MBOAT1: variants seen among roughly 807,000 people sequenced by gnomAD.
The protein encoded by MBOAT1 is membrane bound glycerophospholipid O-acyltransferase 1.
A neutral mutation model predicts 64.4 loss-of-function variants in MBOAT1; 67 were observed. That is an observed-to-expected ratio of 1.04 (90% CI 0.85 to 1.27). The LOEUF is 1.27. Among genes scored for constraint, MBOAT1 ranks in the 50% most tolerant of loss-of-function variants. The pLI is 0.00. For synonymous variants in MBOAT1, 229 were observed against 218.9 expected, an observed-to-expected ratio of 1.05 and a Z score of -0.41; for missense variants, 563 against 604.6, an observed-to-expected ratio of 0.93 and a Z score of 0.72.
chr6:20,152,672 G>A lies in MBOAT1; in HGVS notation c.197C>T (p.Ala66Val), dbSNP rs867374033. Residue 66 changes from alanine to valine, a missense_variant, in exon 2 of 13, where the codon GCG becomes GTG. Transcript: ENST00000324607. ...ATAGATGCCAAAAATGGTGGCAACCGCATGCCGGACATCAGAGCTGGTTGT... is the reference window on the plus strand; with the variant it reads ...ATAGATGCCAAAAATGGTGGCAACCACATGCCGGACATCAGAGCTGGTTGT... ...PGTTSSDVRH[A>V]VATIFGIYFV... 4.3e-6 allele frequency: 7 copies of A among 1,611,004 alleles called. No individual in the cohort carries two copies. The highest frequency in any genetic ancestry group is 2.2e-5 in the East Asian group (1 of 44,650).
At position 20,147,415 on chromosome 6, in the gene MBOAT1, G is replaced by A. The variant is rs529341443; in HGVS notation, c.324-3100C>T. The stretch of plus-strand genomic sequence containing the variant: ...AGCACTTTGGGAGGCCAAGGCGGGC[G>A]GATCACCTGAGGTCAGGGGTTCGAG... On this transcript the variant is annotated intron_variant, in intron 3 of 12. Transcript: ENST00000324607. Among the ~76,000 whole-genome samples, 20 of 152,302 alleles carry A rather than the reference G, an allele frequency of 1.3e-4. 1 individual carries two copies. Among genetic ancestry groups the A allele is most frequent in the Middle Eastern group, 3.4e-3 (1 of 294 alleles).
intron 1 of MBOAT1, among the ~76,000 whole-genome samples, chr6:20,189,387 T>C (rs1762741532): frequency 6.6e-6 from 1 of 152,168 alleles, no homozygotes; most frequent in Non-Finnish European, 1.5e-5. Flanking sequence ...TAAAATCTAC[T>C]TTCTAAGTAA....
At chr6:20,184,979 T>C (rs1762611404) in intron 1 of MBOAT1, among the ~76,000 whole-genome samples, 1 of 151,402 alleles carries the variant, frequency 6.6e-6, no homozygotes, top group Non-Finnish European at 1.5e-5. Context: ...AGGGCAGGCA[T>C]AGTGGCTCAC....
chr6:20,179,644 A>G (rs1317558626), intron 1 of MBOAT1, among the ~76,000 whole-genome samples: 3 of 152,166 alleles, frequency 2.0e-5, no homozygotes, highest in African/African-American at 7.2e-5. Flanking sequence ...ATGTATCTCT[A>G]AAATCACTTA....
intron 9 of MBOAT1, among the ~76,000 whole-genome samples, chr6:20,117,680 A>G (rs955809433): frequency 5.3e-5 from 8 of 152,080 alleles, no homozygotes; most frequent in Non-Finnish European, 1.2e-4. Context: ...TCTCCAGTGG[A>G]CTCTGTCTGC....
chr6:20,211,216 T>C (rs1763407068), intron 1 of MBOAT1, among the ~76,000 whole-genome samples: 1 of 152,094 alleles, frequency 6.6e-6, no homozygotes, highest in African/African-American at 2.4e-5. Context: ...GGTGTGCTCT[T>C]GTTAAAAGGA....
chr6:20,139,656 C>T (rs372516213), intron 4 of MBOAT1, among the ~76,000 whole-genome samples: 4 of 143,356 alleles, frequency 2.8e-5, no homozygotes, highest in African/African-American at 5.2e-5. Flanking sequence ...TGGGCTCAAG[C>T]GATCCTTCCA....
intron 1 of MBOAT1, among the ~76,000 whole-genome samples, chr6:20,175,861 C>A (rs575974308): frequency 6.6e-6 from 1 of 152,254 alleles, no homozygotes; most frequent in Non-Finnish European, 1.5e-5. Flanking sequence ...ACCTTGGCCT[C>A]CCAAAGTGCT....
chr6:20,194,620 G>C (rs1175184472), intron 1 of MBOAT1, among the ~76,000 whole-genome samples: 1 of 152,186 alleles, frequency 6.6e-6, no homozygotes, highest in African/African-American at 2.4e-5. Context: ...AGCTACCACT[G>C]TTGATGCTGA....
At chr6:20,108,927 C>T (rs1036776555) in intron 12 of MBOAT1, among the ~76,000 whole-genome samples, 1 of 152,264 alleles carries the variant, frequency 6.6e-6, no homozygotes, top group Non-Finnish European at 1.5e-5. Flanking sequence ...TTCACAAGAG[C>T]ATGTGCTCAA....
chr6:20,185,701 A>G (rs1478464848), intron 1 of MBOAT1, among the ~76,000 whole-genome samples: 1 of 152,202 alleles, frequency 6.6e-6, no homozygotes, highest in Non-Finnish European at 1.5e-5. Flanking sequence ...TGTCCAACAT[A>G]TGGCAACAAA....
intron 1 of MBOAT1, among the ~76,000 whole-genome samples, chr6:20,186,157 T>G (rs1392405398): frequency 6.6e-6 from 1 of 152,204 alleles, no homozygotes; most frequent in African/African-American, 2.4e-5. Context: ...TACTCCAGCA[T>G]GGGTCACAGT....
intron 1 of MBOAT1, among the ~76,000 whole-genome samples, chr6:20,158,167 GAAA>G (rs70990012): frequency 7.4e-6 from 1 of 135,556 alleles, no homozygotes; most frequent in African/African-American, 2.7e-5. Context: ...AAAAAAAAAA[GAAA>G]AAAAAAAAAA....
intron 1 of MBOAT1, among the ~76,000 whole-genome samples, chr6:20,172,189 C>T (rs985928051): frequency 6.6e-6 from 1 of 152,080 alleles, no homozygotes; most frequent in African/African-American, 2.4e-5. Context: ...AATCCCAGCA[C>T]TTTGGGAGGC....
At chr6:20,177,209 A>G (rs1377071308) in intron 1 of MBOAT1, among the ~76,000 whole-genome samples, 8 of 152,152 alleles carry the variant, frequency 5.3e-5, no homozygotes, top group African/African-American at 1.9e-4. Context: ...TCAGGAAGGT[A>G]CATTTTCTCC....
At chr6:20,187,962 G>C (rs1762701512) in intron 1 of MBOAT1, among the ~76,000 whole-genome samples, 1 of 152,070 alleles carries the variant, frequency 6.6e-6, no homozygotes. Context: ...ACTGCACTAA[G>C]TGACAGAGCA....
At position 20,099,705 on chromosome 6, in the gene MBOAT1, AAAC is replaced by A. The variant is rs1335370087; in HGVS notation, c.*2578_*2580del. ...AATATTTTAGATTTGGCTTTTTCAAAAACAAAACCAGAAAGTGTATTTATTTTC... is the reference window on the plus strand; with the variant it reads ...AATATTTTAGATTTGGCTTTTTCAAAAAAACCAGAAAGTGTATTTATTTTC... On this transcript the variant is annotated 3_prime_UTR_variant, in exon 13 of 13. Transcript: ENST00000324607. Among the ~76,000 whole-genome samples, 2 of 152,226 alleles carry A rather than the reference AAAC, an allele frequency of 1.3e-5. No homozygotes were observed. Among genetic ancestry groups the A allele is most frequent in the East Asian group, 3.8e-4 (2 of 5,198 alleles).
chr6:20,125,192 G>A (rs532308192), intron 7 of MBOAT1, among the ~76,000 whole-genome samples: 64 of 152,262 alleles, frequency 4.2e-4, no homozygotes, highest in African/African-American at 1.5e-3. Flanking sequence ...GAGTGATTTT[G>A]CCTAGCTCCC....
chr6:20,111,850 A>ATATATGCATATATATACG (rs1760166473), intron 11 of MBOAT1, among the ~76,000 whole-genome samples: 1 of 93,370 alleles, frequency 1.1e-5, no homozygotes, highest in African/African-American at 4.0e-5. Context: ...ATATATACAT[A>ATATATGCATATATATACG]TATATATACA....
Sources: gnomAD v4.1 joint callset for allele counts (sites outside exome capture counted in the v4.1 genomes callset) on GRCh38, gnomAD v4.1.1 for gene constraint, MANE v1.5 for transcripts, NCBI Gene and HGNC (gene_info 2026-07-23, HGNC 2026-07-21) for gene names.